The following ST8SIA1 variants were observed in gnomAD, a reference collection of about 807,000 sequenced individuals.
ST8SIA1 encodes the protein ST8 alpha-N-acetyl-neuraminide alpha-2,8-sialyltransferase 1, also known as alpha-N-acetylneuraminide alpha-2,8-sialyltransferase.
In ST8SIA1, 16 loss-of-function variants were observed where a neutral mutation model predicts 35.9. The ratio of observed to expected loss-of-function variants is 0.45; its 90% CI spans 0.30 to 0.68. The LOEUF (loss-of-function observed/expected upper bound fraction) is 0.68, where lower values mean the gene tolerates loss of function less well. ST8SIA1 is among the 30% of genes least tolerant of loss of function. ST8SIA1 has a pLI of 0.09. For synonymous variants in ST8SIA1, 170 were observed against 169.6 expected (o/e 1.00, Z -0.02); for missense variants, 383 against 453.6 (o/e 0.84, Z 1.41).
intron 4 of ST8SIA1, among the ~76,000 whole-genome samples, chr12:22,208,909 T>A (rs1865145070): frequency 6.6e-6 from 1 of 152,192 alleles, no homozygotes; most frequent in South Asian, 2.1e-4. Context: ...GTACTGGGTC[T>A]ACTGGCTAGC....
At chr12:22,217,076 G>A (rs534858528) in intron 4 of ST8SIA1, among the ~76,000 whole-genome samples, 3 of 152,186 alleles carry the variant, frequency 2.0e-5, no homozygotes, top group African/African-American at 4.8e-5. Context: ...GGTAATTTCC[G>A]AGAAACATCA....
intron 4 of ST8SIA1, among the ~76,000 whole-genome samples, chr12:22,219,540 C>T (rs1246192939): frequency 6.6e-6 from 1 of 152,156 alleles, no homozygotes; most frequent in African/African-American, 2.4e-5. Flanking sequence ...CTTAATATTC[C>T]ACTCACCTTG....
intron 2 of ST8SIA1, among the ~76,000 whole-genome samples, chr12:22,260,082 T>TA (rs1163653602): frequency 2.6e-5 from 4 of 151,876 alleles, no homozygotes; most frequent in Non-Finnish European, 5.9e-5. Flanking sequence ...TTGCTAACCT[T>TA]AAAAAAATCT....
chr12:22,298,770 C>G (rs1345387531), intron 1 of ST8SIA1, among the ~76,000 whole-genome samples: 3 of 152,202 alleles, frequency 2.0e-5, no homozygotes, highest in Non-Finnish European at 4.4e-5. Context: ...TATCCCTCAA[C>G]TTGTTGCTGT....
chr12:22,232,506 CT>C (rs1865431441), intron 4 of ST8SIA1, among the ~76,000 whole-genome samples: 1 of 152,082 alleles, frequency 6.6e-6, no homozygotes, highest in Admixed American at 6.5e-5. Context: ...GAGTTCTGTA[CT>C]GGTTATTTTA....
chr12:22,251,749 T>C lies in ST8SIA1; in HGVS notation c.492-2651A>G, dbSNP rs549976897. 1.1e-4 allele frequency among the ~76,000 whole-genome samples: 17 copies of C among 152,320 alleles called. No individual in the cohort carries two copies. In the South Asian group the frequency reaches 2.9e-3, roughly 26 times the overall value. On this transcript the variant is annotated intron_variant, in intron 3 of 4. Transcript: ENST00000396037. ...TTAATGACTAAAGTGTCTTAGCAAC[T>C]GTGCTCATGATCCTAAAAGAGATCT...
intron 2 of ST8SIA1, among the ~76,000 whole-genome samples, chr12:22,278,052 G>A (rs1318152414): frequency 6.6e-6 from 1 of 152,172 alleles, no homozygotes; most frequent in East Asian, 1.9e-4. Context: ...TGCTCAATAA[G>A]TACTTCATGA....
intron 3 of ST8SIA1, among the ~76,000 whole-genome samples, chr12:22,251,323 C>T (rs1303226674): frequency 1.3e-5 from 2 of 152,140 alleles, no homozygotes; most frequent in South Asian, 2.1e-4. Flanking sequence ...TTCCATGGCT[C>T]ATGTGTCTGG....
At chr12:22,212,292 A>G (rs1865184536) in intron 4 of ST8SIA1, among the ~76,000 whole-genome samples, 1 of 152,128 alleles carries the variant, frequency 6.6e-6, no homozygotes, top group Admixed American at 6.5e-5. Flanking sequence ...CAATTTTCCA[A>G]TGGGTTAATT....
At chr12:22,296,806 G>T (rs1337313724) in intron 1 of ST8SIA1, among the ~76,000 whole-genome samples, 2 of 152,144 alleles carry the variant, frequency 1.3e-5, no homozygotes. Flanking sequence ...TCCACTCAGA[G>T]AGAGGCAGTA....
intron 2 of ST8SIA1, among the ~76,000 whole-genome samples, chr12:22,277,568 T>C (rs563026460): frequency 6.6e-6 from 1 of 152,134 alleles, no homozygotes; most frequent in African/African-American, 2.4e-5. Flanking sequence ...GGTGTCATCA[T>C]GTTGGCCAGG....
chr12:22,247,354 C>T (rs757558934), intron 4 of ST8SIA1, among the ~76,000 whole-genome samples: 1 of 152,058 alleles, frequency 6.6e-6, no homozygotes. Context: ...AAAGATGTCA[C>T]CTTTGGGGGA....
At chr12:22,218,251 G>C (rs1865255976) in intron 4 of ST8SIA1, among the ~76,000 whole-genome samples, 3 of 152,036 alleles carry the variant, frequency 2.0e-5, no homozygotes, top group Admixed American at 1.3e-4. Context: ...TTGAACCTGG[G>C]AGGCAGAGGT....
chr12:22,321,003 G>GAAAGAAAGAAGAAAGA (rs377218947), intron 1 of ST8SIA1, among the ~76,000 whole-genome samples: 7 of 76,640 alleles, frequency 9.1e-5, no homozygotes, highest in Admixed American at 1.6e-4. Context: ...AAGAAAGAAA[G>GAAAGAAAGAAGAAAGA]AAGAAAGAAA....
At chr12:22,318,072 T>C (rs2135838142) in intron 1 of ST8SIA1, among the ~76,000 whole-genome samples, 1 of 152,316 alleles carries the variant, frequency 6.6e-6, no homozygotes, top group East Asian at 1.9e-4. Context: ...GACATCAAAA[T>C]GTTAACATTA....
chr12:22,297,533 G>A (rs1025742799), intron 1 of ST8SIA1, among the ~76,000 whole-genome samples: 5 of 151,980 alleles, frequency 3.3e-5, no homozygotes, highest in Admixed American at 1.3e-4. Context: ...ATGGAATTCC[G>A]TGTAAACACA....
chr12:22,274,454 G>T (rs1865946151), intron 2 of ST8SIA1, among the ~76,000 whole-genome samples: 1 of 152,096 alleles, frequency 6.6e-6, no homozygotes, highest in African/African-American at 2.4e-5. Flanking sequence ...GTGAGAAAAA[G>T]AAATTATCTT....
chr12:22,308,917 T>C (rs1238076771), intron 1 of ST8SIA1, among the ~76,000 whole-genome samples: 1 of 152,162 alleles, frequency 6.6e-6, no homozygotes, highest in Non-Finnish European at 1.5e-5. Context: ...AATATGATTG[T>C]CCCAAGGCTT....
rs1660946509 is a variant in ST8SIA1, at chr12:22,196,715, C to G, written c.*4837G>C. The stretch of plus-strand genomic sequence containing the variant: ...ATATGAATGAGGGGGAAAAGTTCCA[C>G]TTTAGAATCACTGGCAGGGCTATAA... On this transcript the variant is annotated 3_prime_UTR_variant, in exon 5 of 5. Coordinates refer to ENST00000396037, the MANE Select transcript of ST8SIA1 (RefSeq NM_003034.4). 6.6e-6 allele frequency: 1 copy of G among 152,212 alleles called. No homozygotes were observed. Among genetic ancestry groups the G allele is most frequent in the Non-Finnish European group, 1.5e-5 (1 of 68,052 alleles). 9.4% of individuals were successfully genotyped at this position (152,212 alleles called of 1,614,324 possible).
Sources: allele counts gnomAD v4.1 joint callset (sites outside exome capture counted in the v4.1 genomes callset), GRCh38; gene constraint gnomAD v4.1.1; transcripts MANE v1.5; gene names NCBI Gene and HGNC (gene_info 2026-07-23, HGNC 2026-07-21).